The following CNTN4 variants were observed in gnomAD, a reference collection of about 807,000 sequenced individuals.
The protein encoded by CNTN4 is contactin-4.
A neutral mutation model predicts 122.5 loss-of-function variants in CNTN4; 77 were observed. The ratio of observed to expected loss-of-function variants is 0.63; its 90% confidence interval spans 0.52 to 0.76. The LOEUF (loss-of-function observed/expected upper bound fraction) is 0.76. Among genes scored for constraint, CNTN4 ranks in the 30% least tolerant of loss-of-function variants. The probability of loss-of-function intolerance (pLI) is 0.00; values close to 1 mark genes in which losing one functional copy is unlikely to be tolerated. For missense variants in CNTN4, 1,256 were observed against 1,259.1 expected, an observed-to-expected ratio of 1.00 and a Z score of 0.04; for synonymous variants, 512 against 447.0, an observed-to-expected ratio of 1.15 and a Z score of -1.83.
At chr3:2,759,128 G>A (rs2090471190) in intron 6 of CNTN4, among the ~76,000 whole-genome samples, 1 of 152,066 alleles carries the variant, frequency 6.6e-6, no homozygotes, top group South Asian at 2.1e-4. Flanking sequence ...AGGTTCATCT[G>A]TGTCGTAGTG....
At chr3:2,322,790 G>A (rs942835889) in intron 2 of CNTN4, among the ~76,000 whole-genome samples, 2 of 152,174 alleles carry the variant, frequency 1.3e-5, no homozygotes, top group Non-Finnish European at 2.9e-5. Flanking sequence ...ATGCTGTTAA[G>A]TGTCTTTTTC....
At chr3:2,275,282 T>C (rs927935329) in intron 2 of CNTN4, among the ~76,000 whole-genome samples, 1 of 152,198 alleles carries the variant, frequency 6.6e-6, no homozygotes, top group African/African-American at 2.4e-5. Flanking sequence ...CGTTTAGAGA[T>C]TGTGTTTTAT....
At chr3:2,536,543 G>A (rs1373486363) in intron 3 of CNTN4, among the ~76,000 whole-genome samples, 1 of 151,764 alleles carries the variant, frequency 6.6e-6, no homozygotes, top group East Asian at 1.9e-4. Flanking sequence ...TCATATCAAA[G>A]TAGTACACTG....
chr3:2,153,531 G>A (rs1382866779), intron 2 of CNTN4, among the ~76,000 whole-genome samples: 2 of 152,146 alleles, frequency 1.3e-5, no homozygotes, highest in Non-Finnish European at 2.9e-5. Context: ...GAATATAGGC[G>A]GAGAGCAACT....
At chr3:3,011,748 T>C (rs1697254538) in intron 14 of CNTN4, among the ~76,000 whole-genome samples, 1 of 152,174 alleles carries the variant, frequency 6.6e-6, no homozygotes, top group African/African-American at 2.4e-5. Context: ...GATATTTCTT[T>C]GGAGATTCAT....
intron 2 of CNTN4, among the ~76,000 whole-genome samples, chr3:2,120,068 A>C (rs1164076286): frequency 6.6e-6 from 1 of 151,956 alleles, no homozygotes; most frequent in African/African-American, 2.4e-5. Flanking sequence ...CGAAGACAGC[A>C]TGTAAGGGGC....
intron 6 of CNTN4, among the ~76,000 whole-genome samples, chr3:2,812,560 T>C (rs928993872): frequency 7.0e-6 from 1 of 142,248 alleles, no homozygotes; most frequent in African/African-American, 2.5e-5. Context: ...TTTGTTTTTT[T>C]TGTTTTGTTT....
chr3:2,375,392 T>G (rs2045778046), intron 3 of CNTN4, among the ~76,000 whole-genome samples: 1 of 152,188 alleles, frequency 6.6e-6, no homozygotes, highest in Non-Finnish European at 1.5e-5. Context: ...TCCCTAAAAC[T>G]GAAGGAGATG....
At chr3:3,004,374 C>A (rs1406306940) in intron 14 of CNTN4, among the ~76,000 whole-genome samples, 4 of 152,160 alleles carry the variant, frequency 2.6e-5, no homozygotes, top group African/African-American at 7.2e-5. Flanking sequence ...ATAGTCCCCC[C>A]ATCAGTCTTC....
At chr3:2,559,565 C>T (rs966615158) in intron 3 of CNTN4, among the ~76,000 whole-genome samples, 4 of 150,590 alleles carry the variant, frequency 2.7e-5, no homozygotes, top group Non-Finnish European at 5.9e-5. Context: ...ATAGTAAGTA[C>T]TCAAGAAAAA....
chr3:2,890,465 C>T (rs573462079), intron 10 of CNTN4, among the ~76,000 whole-genome samples: 2 of 152,316 alleles, frequency 1.3e-5, no homozygotes, highest in South Asian at 4.1e-4. Context: ...GAATTATAAA[C>T]CATGGGTTTG....
At chr3:2,782,742 T>C (rs2091655203) in intron 6 of CNTN4, among the ~76,000 whole-genome samples, 1 of 152,214 alleles carries the variant, frequency 6.6e-6, no homozygotes, top group Non-Finnish European at 1.5e-5. Flanking sequence ...CAGGCTAAGC[T>C]ACTGCTTTTA....
chr3:2,760,622 G>A (rs1223692469), intron 6 of CNTN4, among the ~76,000 whole-genome samples: 1 of 152,178 alleles, frequency 6.6e-6, no homozygotes, highest in Admixed American at 6.5e-5. Flanking sequence ...GGAGGCAGCT[G>A]TTAATAGTAC....
At chr3:2,396,295 G>C (rs185229206) in intron 3 of CNTN4, among the ~76,000 whole-genome samples, 1 of 152,296 alleles carries the variant, frequency 6.6e-6, no homozygotes, top group African/African-American at 2.4e-5. Context: ...AAAGTGCTGG[G>C]ATTACAGGCA....
intron 2 of CNTN4, among the ~76,000 whole-genome samples, chr3:2,333,669 A>C (rs774483622): frequency 4.6e-5 from 7 of 152,228 alleles, no homozygotes; most frequent in Non-Finnish European, 8.8e-5. Flanking sequence ...TGATAAAAGA[A>C]TCAAATGACC....
intron 3 of CNTN4, among the ~76,000 whole-genome samples, chr3:2,412,957 T>G (rs898729298): frequency 6.6e-6 from 1 of 152,242 alleles, no homozygotes; most frequent in Admixed American, 6.5e-5. Flanking sequence ...AGACTTTACC[T>G]TCAGAGTAGA....
At chr3:2,908,779 G>T (rs2094265515) in intron 12 of CNTN4, among the ~76,000 whole-genome samples, 1 of 152,170 alleles carries the variant, frequency 6.6e-6, no homozygotes, top group Non-Finnish European at 1.5e-5. Context: ...GGGTGAGTGG[G>T]TATCTGCCCA....
intron 2 of CNTN4, among the ~76,000 whole-genome samples, chr3:2,334,691 T>A (rs1397714067): frequency 1.3e-5 from 2 of 152,148 alleles, no homozygotes; most frequent in Non-Finnish European, 2.9e-5. Context: ...TCAATGGTGA[T>A]CACATACACA....
intron 3 of CNTN4, among the ~76,000 whole-genome samples, chr3:2,561,254 T>C (rs1478949289): frequency 6.6e-6 from 1 of 152,154 alleles, no homozygotes; most frequent in African/African-American, 2.4e-5. Flanking sequence ...AGTCATTTAT[T>C]TGGGAGGTTA....
Sources: gnomAD v4.1 joint callset for allele counts (sites outside exome capture counted in the v4.1 genomes callset) on GRCh38, gnomAD v4.1.1 for gene constraint, MANE v1.5 for transcripts, NCBI Gene and HGNC (gene_info 2026-07-23, HGNC 2026-07-21) for gene names.